The following TMEM150C variants were observed in gnomAD, a reference collection of about 807,000 sequenced individuals.
The protein encoded by TMEM150C is transmembrane protein 150C.
TMEM150C carries 10 observed loss-of-function variants against 29.9 expected under a neutral mutation model. The observed-to-expected ratio is 0.33, with a 90% CI of 0.21 to 0.57. The LOEUF (loss-of-function observed/expected upper bound fraction) is 0.57, where lower values mean the gene tolerates loss of function less well. TMEM150C is among the 20% of genes least tolerant of loss of function. TMEM150C has a pLI of 0.88. For synonymous variants in TMEM150C, 101 were observed against 112.5 expected, an observed-to-expected ratio of 0.90 and a Z score of 0.64; for missense variants, 251 against 303.6, an observed-to-expected ratio of 0.83 and a Z score of 1.29.
chr4:82,486,101 A>T (rs1161640403), intron 7 of TMEM150C, among the ~76,000 whole-genome samples: 1 of 152,140 alleles, frequency 6.6e-6, no homozygotes, highest in Admixed American at 6.5e-5. Flanking sequence ...CTGAGGTCAC[A>T]CAGGTATTAA....
At chr4:82,536,520 T>C (rs939970821) in intron 1 of TMEM150C, among the ~76,000 whole-genome samples, 3 of 152,058 alleles carry the variant, frequency 2.0e-5, no homozygotes, top group Non-Finnish European at 2.9e-5. Flanking sequence ...ATAACATGGC[T>C]AGAAAACTTA....
intron 1 of TMEM150C, among the ~76,000 whole-genome samples, chr4:82,531,988 G>A (rs141258643): frequency 1.4e-4 from 22 of 152,210 alleles, no homozygotes; most frequent in Non-Finnish European, 3.1e-4. Context: ...TCAGAAACCA[G>A]GTTATAATTA....
chr4:82,500,106 T>A (rs1311495038), intron 5 of TMEM150C, among the ~76,000 whole-genome samples: 1 of 152,198 alleles, frequency 6.6e-6, no homozygotes, highest in Non-Finnish European at 1.5e-5. Flanking sequence ...AAATGCAGTT[T>A]CAAGACAAAA....
chr4:82,539,942 C>A (rs1306939160), intron 1 of TMEM150C, among the ~76,000 whole-genome samples: 3 of 151,740 alleles, frequency 2.0e-5, no homozygotes, highest in Non-Finnish European at 4.4e-5. Context: ...ACCACTCTTG[C>A]CAAATTTAGA....
At chr4:82,519,272 T>C (rs1227027454) in intron 1 of TMEM150C, among the ~76,000 whole-genome samples, 2 of 152,188 alleles carry the variant, frequency 1.3e-5, no homozygotes, top group South Asian at 2.1e-4. Context: ...AGCAAACAAC[T>C]ATTGTTGCTT....
chr4:82,520,587 A>G (rs559805033), intron 1 of TMEM150C, among the ~76,000 whole-genome samples: 1 of 152,230 alleles, frequency 6.6e-6, no homozygotes, highest in Non-Finnish European at 1.5e-5. Context: ...AGATCATGTC[A>G]TCCTTTAGCT....
chr4:82,557,994 G>T lies in TMEM150C; in HGVS notation c.-11+3912C>A, dbSNP rs529304848. Among the ~76,000 whole-genome samples, 7 of 152,184 alleles carry T rather than the reference G, an allele frequency of 4.6e-5. No homozygotes were observed. The South Asian group carries it at 1.5e-3, about 32-fold the overall frequency. On this transcript the variant is annotated intron_variant, in intron 1 of 7. Transcript: ENST00000449862. The stretch of plus-strand genomic sequence containing the variant: ...GATCCACCCGCCTCAGCCTCCCGAA[G>T]TGCTGGGATTACAAGCGTGAGACAC...
At chr4:82,489,252 A>C (rs923700946) in intron 7 of TMEM150C, among the ~76,000 whole-genome samples, 1 of 151,936 alleles carries the variant, frequency 6.6e-6, no homozygotes, top group Non-Finnish European at 1.5e-5. Context: ...CTATTGGGCC[A>C]CACTACCAGT....
At chr4:82,495,835 T>C in intron 6 of TMEM150C, 1 of 533,464 alleles carries the variant, frequency 1.9e-6, no homozygotes, top group Non-Finnish European at 3.4e-6. Flanking sequence ...TTTGCGTTCA[T>C]CTTCCACTTT....
chr4:82,561,963 C>T lies in TMEM150C; in HGVS notation c.-68G>A. On this transcript the variant is annotated 5_prime_UTR_variant, in exon 1 of 8. Transcript: ENST00000449862. ...GAGGGGCTGTGACCTGCTGCGGTGGCGGCGGCGGCAGCAGTAGCGGCGGGT... is the reference window on the plus strand; with the variant it reads ...GAGGGGCTGTGACCTGCTGCGGTGGTGGCGGCGGCAGCAGTAGCGGCGGGT... The T allele has an allele frequency of 1.8e-6, 2 of 1,101,702 alleles. No individual in the cohort carries two copies. Among genetic ancestry groups the T allele is most frequent in the Non-Finnish European group, 2.2e-6 (2 of 898,486 alleles). The allele number at this position is 1,101,702 out of a possible 1,614,324, so 68.2% of individuals were successfully genotyped here. A position where few individuals can be genotyped will look rare whatever the true frequency, so the allele number is the denominator to read the frequency against.
intron 1 of TMEM150C, among the ~76,000 whole-genome samples, chr4:82,515,424 A>G (rs750376607): frequency 2.6e-5 from 4 of 152,154 alleles, no homozygotes; most frequent in Non-Finnish European, 5.9e-5. Flanking sequence ...TACTCCCAAT[A>G]TGACTGACTC....
At chr4:82,562,004 G>C, upstream of TMEM150C, 7 of 1,119,136 alleles carry the variant, frequency 6.3e-6, no homozygotes, top group Non-Finnish European at 7.7e-6. Context: ...GCTTCCTTCA[G>C]GAAGGGGTGG....
intron 5 of TMEM150C, among the ~76,000 whole-genome samples, chr4:82,497,448 A>G (rs1442840440): frequency 6.6e-6 from 1 of 152,320 alleles, no homozygotes; most frequent in East Asian, 1.9e-4. Context: ...ATCTATCCAT[A>G]AATTTGCATT....
intron 7 of TMEM150C, among the ~76,000 whole-genome samples, chr4:82,486,943 G>A (rs1482585017): frequency 6.6e-6 from 1 of 152,134 alleles, no homozygotes; most frequent in Non-Finnish European, 1.5e-5. Flanking sequence ...CATTTACTTA[G>A]AAAGATCAGA....
At chr4:82,491,184 A>G in intron 6 of TMEM150C, 3 of 696,812 alleles carry the variant, frequency 4.3e-6, no homozygotes, top group Non-Finnish European at 5.3e-6. Context: ...TTTGTTTTCC[A>G]CCAAGGTGGT....
chr4:82,558,748 T>G (rs779586131), intron 1 of TMEM150C, among the ~76,000 whole-genome samples: 15 of 152,222 alleles, frequency 9.9e-5, no homozygotes, highest in Non-Finnish European at 1.8e-4. Flanking sequence ...TAAAGCTACA[T>G]GGCACCATCA....
chr4:82,548,073 G>T (rs375829362), intron 1 of TMEM150C, among the ~76,000 whole-genome samples: 2 of 152,152 alleles, frequency 1.3e-5, no homozygotes, highest in Admixed American at 6.5e-5. Context: ...ACAGCTAGAG[G>T]CCATTATCCT....
chr4:82,488,534 C>A (rs1291175662), intron 7 of TMEM150C, among the ~76,000 whole-genome samples: 2 of 152,110 alleles, frequency 1.3e-5, no homozygotes, highest in Admixed American at 6.6e-5. Flanking sequence ...TACAATCTAC[C>A]CTTTAGGAAC....
intron 1 of TMEM150C, among the ~76,000 whole-genome samples, chr4:82,543,819 C>A (rs1725269884): frequency 6.6e-6 from 1 of 152,132 alleles, no homozygotes; most frequent in South Asian, 2.1e-4. Flanking sequence ...TCAAGAGAAA[C>A]CCTTGTGGGC....
Sources: allele counts gnomAD v4.1 joint callset (sites outside exome capture counted in the v4.1 genomes callset), GRCh38; gene constraint gnomAD v4.1.1; transcripts MANE v1.5; gene names NCBI Gene and HGNC (gene_info 2026-07-23, HGNC 2026-07-21).